The following SRPRA variants were observed in gnomAD, a reference collection of about 807,000 sequenced individuals.
The protein encoded by SRPRA is SRP receptor subunit alpha.
In SRPRA, 30 loss-of-function variants were observed where a neutral mutation model predicts 61.1. The ratio of observed to expected loss-of-function variants is 0.49; its 90% CI spans 0.37 to 0.67. SRPRA has a LOEUF of 0.67. SRPRA is among the 30% of genes least tolerant of loss of function. The probability of loss-of-function intolerance (pLI) is 0.00; values close to 1 mark genes in which losing one functional copy is unlikely to be tolerated. For missense variants in SRPRA, 759 were observed against 828.4 expected (o/e 0.92, Z 1.03); for synonymous variants, 324 against 299.7 (o/e 1.08, Z -0.84).
chr11:126,265,417 C>T lies in SRPRA; in HGVS notation c.1162G>A (p.Ala388Thr). The T allele has an allele frequency of 1.2e-6, 2 of 1,613,138 alleles. No homozygotes were observed. The highest frequency in any genetic ancestry group is 1.7e-6 in the Non-Finnish European group (2 of 1,179,576). The change falls in exon 10 of 14, where the codon GCC becomes ACC. Residue 388 changes from alanine to threonine, a missense_variant. Physicochemically the swap from Ala to Thr is moderately conservative, Grantham distance 58. Coordinates refer to ENST00000332118, the MANE Select transcript of SRPRA (RefSeq NM_003139.4). The surrounding 1 kb of genome is among the most constrained non-coding windows in gnomAD (Gnocchi z 6.3). The stretch of plus-strand genomic sequence containing the variant: ...ATCTGCACCAGGGACTCCTGTAGGG[C>T]TTGCTTTACTGTGGAAGTCACCGCT... ...FSTVTSTVKQ[A>T]LQESLVQILQ... is the part of the protein sequence containing the mutation.
At position 126,265,248 on chromosome 11, in the gene SRPRA, G is replaced by A; in HGVS notation, c.1311+20C>T. The A allele has an allele frequency of 6.2e-7, 1 of 1,613,676 alleles. No individual in the cohort carries two copies. The highest frequency in any genetic ancestry group is 8.5e-7 in the Non-Finnish European group (1 of 1,179,590). On this transcript the variant is annotated intron_variant, in intron 10 of 13. Coordinates refer to ENST00000332118, the MANE Select transcript of SRPRA (RefSeq NM_003139.4). The surrounding 1 kb of genome is among the most constrained non-coding windows in gnomAD (Gnocchi z 6.3). Reference sequence around the variant, plus strand: ...AAGAAGTACAGAAATATCAGCGATAGGCTGGGGAACTGCACTGACCTTGGC... The same window carrying A: ...AAGAAGTACAGAAATATCAGCGATAAGCTGGGGAACTGCACTGACCTTGGC...
the SRPRA span, chr11:126,256,928 G>A: frequency 7.0e-7 from 1 of 1,421,692 alleles, no homozygotes; most frequent in South Asian, 1.3e-5. This position sits in a 1 kb window ranked among gnomAD's most constrained non-coding sequence, Gnocchi z 6.6. Flanking sequence ...TGATGTGATG[G>A]GCAAAATAGT....
At chr11:126,242,697 A>G in the SRPRA span, among the ~76,000 whole-genome samples, 1 of 152,220 alleles carries the variant, frequency 6.6e-6, no homozygotes, top group African/African-American at 2.4e-5. Flanking sequence ...GCCATTTCAC[A>G]CCCGCTGGCA....
At chr11:126,255,317 A>T in the SRPRA span, among the ~76,000 whole-genome samples, 1 of 152,202 alleles carries the variant, frequency 6.6e-6, no homozygotes, top group African/African-American at 2.4e-5. The surrounding 1 kb of genome is among the most constrained non-coding windows in gnomAD (Gnocchi z 4.6). Flanking sequence ...CATATAGATT[A>T]TAGCATCTTT....
chr11:126,258,244 C>T (rs1316941849), downstream of SRPRA, among the ~76,000 whole-genome samples: 1 of 151,860 alleles, frequency 6.6e-6, no homozygotes, highest in African/African-American at 2.4e-5. Context: ...AAAAATTAGC[C>T]AGGTGTGGTG....
the SRPRA span, among the ~76,000 whole-genome samples, chr11:126,247,853 A>G: frequency 7.6e-6 from 1 of 131,848 alleles, no homozygotes; most frequent in East Asian, 3.5e-4. Flanking sequence ...TCGAGACTCC[A>G]TCTCAAAAAA....
chr11:126,242,040 A>T, the SRPRA span, among the ~76,000 whole-genome samples: 1 of 151,852 alleles, frequency 6.6e-6, no homozygotes, highest in Admixed American at 6.6e-5. Flanking sequence ...AAAAAAAAAA[A>T]AAAGGAATTA....
the SRPRA span, among the ~76,000 whole-genome samples, chr11:126,239,353 A>G: frequency 1.3e-5 from 2 of 152,174 alleles, no homozygotes; most frequent in African/African-American, 4.8e-5. Flanking sequence ...GAAAAGTAAA[A>G]AGTCCTTATT....
chr11:126,238,144 T>C, the SRPRA span, among the ~76,000 whole-genome samples: 1 of 152,036 alleles, frequency 6.6e-6, no homozygotes, highest in Admixed American at 6.6e-5. Context: ...GGCGGATCAC[T>C]TGAGGTCAGG....
At chr11:126,253,464 G>A in the SRPRA span, among the ~76,000 whole-genome samples, 1 of 152,176 alleles carries the variant, frequency 6.6e-6, no homozygotes, top group South Asian at 2.1e-4. The surrounding 1 kb of genome is among the most constrained non-coding windows in gnomAD (Gnocchi z 5.1). Flanking sequence ...CTAAATGATT[G>A]TTCTTCGCTG....
chr11:126,250,441 T>A, the SRPRA span: 1 of 1,118,562 alleles, frequency 8.9e-7, no homozygotes, highest in Admixed American at 1.9e-5. The surrounding 1 kb of genome is among the most constrained non-coding windows in gnomAD (Gnocchi z 5.1). Context: ...GTTACTGCTG[T>A]AACTAAAACA....
At chr11:126,261,310 A>C, downstream of SRPRA, 2 of 755,620 alleles carry the variant, frequency 2.6e-6, no homozygotes, top group Non-Finnish European at 4.4e-6. Context: ...TTCATTTCTA[A>C]ATGCCCATTC....
chr11:126,262,181 C>A (rs1950715211), downstream of SRPRA: 1 of 1,596,374 alleles, frequency 6.3e-7, no homozygotes, highest in African/African-American at 1.3e-5. Flanking sequence ...TAAGGCCCTA[C>A]TACAGACAGT....
downstream of SRPRA, chr11:126,261,253 A>T (rs1950691197): frequency 3.4e-6 from 2 of 595,494 alleles, no homozygotes; most frequent in Non-Finnish European, 6.0e-6. Context: ...AAGTCTAAAG[A>T]CTACTCCAGT....
In SRPRA at chr11:126,268,857, GC is replaced by G; in HGVS notation, c.-54del. ...GGCGCCGGGAATTCAGGCCGCGTTC[GC>G]CGCCGCTTCCTGCTGCGCCAAGCGC... On this transcript the variant is annotated 5_prime_UTR_variant, in exon 1 of 14. Coordinates refer to ENST00000332118, the MANE Select transcript of SRPRA (RefSeq NM_003139.4). 1 of 1,452,414 alleles carries G rather than the reference GC, an allele frequency of 6.9e-7. No individual in the cohort carries two copies. Among genetic ancestry groups the G allele is most frequent in the Admixed American group, 1.7e-5 (1 of 58,894 alleles). The allele number at this position is 1,452,414 out of a possible 1,614,324, so 90.0% of individuals were successfully genotyped here.
At chr11:126,243,374 G>C in the SRPRA span, among the ~76,000 whole-genome samples, 1 of 151,166 alleles carries the variant, frequency 6.6e-6, no homozygotes, top group Non-Finnish European at 1.5e-5. Flanking sequence ...TGAGGCACAA[G>C]CATCACTTGG....
chr11:126,258,258 C>T (rs1319653619), downstream of SRPRA, among the ~76,000 whole-genome samples: 2 of 151,902 alleles, frequency 1.3e-5, no homozygotes, highest in African/African-American at 4.8e-5. Flanking sequence ...TGTGGTGGCA[C>T]ACACCTGTAG....
Position 126,264,577 on chromosome 11 carries a change from T to C in SRPRA, c.1526-38A>G. 6.2e-7 allele frequency: 1 copy of C among 1,606,790 alleles called. No homozygotes were observed. Among genetic ancestry groups the C allele is most frequent in the Non-Finnish European group, 8.5e-7 (1 of 1,177,078 alleles). ...AGTAGTCAACTCTGAACACCTGGAC[T>C]ACCACTCATGCTCGTTCCCAGCTTC... On this transcript the variant is annotated intron_variant, in intron 11 of 13. Coordinates refer to ENST00000332118, the MANE Select transcript of SRPRA (RefSeq NM_003139.4). The surrounding 1 kb of genome is among the most constrained non-coding windows in gnomAD (Gnocchi z 5.0).
rs74622786 is a variant in SRPRA at position 126,267,344 on chromosome 11, A to G, written c.366-9T>C. On this transcript the variant is annotated splice_polypyrimidine_tract_variant and intron_variant, in intron 3 of 13. Transcript: ENST00000332118. This position sits in a 1 kb window ranked among gnomAD's most constrained non-coding sequence, Gnocchi z 4.2. ...TGCTCTCCTCTGCTTCACTAAACAAAAAGGAGAATGGTTTATCTTTCTACC... is the reference window on the plus strand; with the variant it reads ...TGCTCTCCTCTGCTTCACTAAACAAGAAGGAGAATGGTTTATCTTTCTACC... 10,122 of 1,612,926 alleles carry G rather than the reference A, an allele frequency of 6.3e-3. 35 individuals are homozygous for G. Among genetic ancestry groups the G allele is most frequent in the Non-Finnish European group, 7.7e-3 (9,081 of 1,179,698 alleles).
Sources: gnomAD v4.1 joint callset for allele counts (sites outside exome capture counted in the v4.1 genomes callset) on GRCh38, gnomAD v4.1.1 for gene constraint, Gnocchi (gnomAD v3.1) non-coding constraint, MANE v1.5 for transcripts, NCBI Gene and HGNC (gene_info 2026-07-23, HGNC 2026-07-21) for gene names.